BAG4: variants seen among roughly 807,000 people sequenced by gnomAD.
BAG4 encodes BAG family molecular chaperone regulator 4.
Under a neutral mutation model 52.1 loss-of-function variants are expected in BAG4, and 28 were observed. The ratio of observed to expected loss-of-function variants is 0.54; its 90% CI spans 0.40 to 0.74. BAG4 has a LOEUF of 0.74. Among genes scored for constraint, BAG4 ranks in the 30% least tolerant of loss-of-function variants. The probability of loss-of-function intolerance (pLI) is 0.00; values close to 1 mark genes in which losing one functional copy is unlikely to be tolerated. For synonymous variants in BAG4, 208 were observed against 217.0 expected (o/e 0.96, Z 0.37); for missense variants, 525 against 572.0 (o/e 0.92, Z 0.84).
rs565957449 is a variant in BAG4 at position 38,200,652 on chromosome 8, G to A, written c.379-6860G>A. 1.4e-4 allele frequency among the ~76,000 whole-genome samples: 21 copies of A among 151,660 alleles called. 2 individuals are homozygous for A. The South Asian group carries it at 4.4e-3, about 32-fold the overall frequency. The stretch of plus-strand genomic sequence containing the variant: ...TTGCTCTTGTTGCCTAGGCTGGAGT[G>A]CAATGGCACGATCTTGGCTCACAGC... On this transcript the variant is annotated intron_variant, in intron 2 of 4. Coordinates refer to ENST00000287322, the MANE Select transcript of BAG4 (RefSeq NM_004874.4).
intron 1 of BAG4, among the ~76,000 whole-genome samples, chr8:38,178,984 A>G (rs935108075): frequency 1.3e-5 from 2 of 152,006 alleles, no homozygotes; most frequent in East Asian, 3.8e-4. Flanking sequence ...ATAAAAAAAT[A>G]AAAAACAAAA....
chr8:38,186,550 A>G (rs1803369080), intron 1 of BAG4, among the ~76,000 whole-genome samples: 1 of 152,208 alleles, frequency 6.6e-6, no homozygotes, highest in Non-Finnish European at 1.5e-5. Flanking sequence ...ATGCAGGATA[A>G]ACTAGTAGGC....
chr8:38,209,040 C>G lies in BAG4; in HGVS notation c.661C>G (p.Pro221Ala), dbSNP rs1585668432. 1.9e-6 allele frequency: 3 copies of G among 1,614,154 alleles called. No homozygotes were observed. Among genetic ancestry groups the G allele is most frequent in the East Asian group, 2.2e-5 (1 of 44,880 alleles). Residue 221 changes from proline to alanine, a missense_variant, in exon 4 of 5, where the codon CCT becomes GCT. Coordinates refer to ENST00000287322, the MANE Select transcript of BAG4 (RefSeq NM_004874.4). ...QNPGMTLPHY[P>A]YGDGNRSVPQ... ...CCCTGGAATGACCCTGCCCCATTAT[C>G]CTTATGGAGATGGTAATCGTAGTGT...
chr8:38,189,845 T>G (rs1803438489), intron 1 of BAG4, among the ~76,000 whole-genome samples: 1 of 151,834 alleles, frequency 6.6e-6, no homozygotes, highest in Non-Finnish European at 1.5e-5. Context: ...TGAGACGGAG[T>G]CTCCCTCTGT....
intron 1 of BAG4, among the ~76,000 whole-genome samples, chr8:38,182,986 T>C (rs2130662642): frequency 7.5e-6 from 1 of 134,204 alleles, no homozygotes; most frequent in East Asian, 2.4e-4. Context: ...TACAATTACA[T>C]AACCACCACC....
chr8:38,188,339 G>A (rs1289998783), intron 1 of BAG4, among the ~76,000 whole-genome samples: 1 of 151,502 alleles, frequency 6.6e-6, no homozygotes, highest in Non-Finnish European at 1.5e-5. Context: ...ATTATATGGT[G>A]TCTAAAGGTG....
chr8:38,203,374 C>T (rs1332255212), intron 2 of BAG4, among the ~76,000 whole-genome samples: 3 of 151,614 alleles, frequency 2.0e-5, no homozygotes, highest in African/African-American at 7.3e-5. Flanking sequence ...GCTCCGCCTC[C>T]CGAGTTCACG....
rs1334644668 is a variant in BAG4 at position 38,181,287 on chromosome 8, C to T, written c.270+4148C>T. Among the ~76,000 whole-genome samples, 10 of 149,110 alleles carry T rather than the reference C, an allele frequency of 6.7e-5. No individual in the cohort carries two copies. In the East Asian group the frequency reaches 1.0e-3, roughly 15 times the overall value. On this transcript the variant is annotated intron_variant, in intron 1 of 4. Coordinates refer to ENST00000287322, the MANE Select transcript of BAG4 (RefSeq NM_004874.4). ...TTTGCTCTTTTTGCCCAGGCTGGAG[C>T]GCAATGGCGCCATCTTGGCTCACTG...
chr8:38,177,812 G>T (rs866884948), intron 1 of BAG4, among the ~76,000 whole-genome samples: 2 of 151,950 alleles, frequency 1.3e-5, no homozygotes, highest in South Asian at 4.2e-4. Flanking sequence ...TTTATTCTCC[G>T]TTTTCCTGCC....
In BAG4 at chr8:38,176,956, G is replaced by T; in HGVS notation, c.87G>T (p.Pro29=). The part of the protein sequence containing the change: ...RYYGPGGGDV[P]VHPPPPLYPL... ...ACGGGCCTGGGGGTGGAGATGTGCCGGTACACCCACCTCCACCCTTATATC... is the reference window on the plus strand; with the variant it reads ...ACGGGCCTGGGGGTGGAGATGTGCCTGTACACCCACCTCCACCCTTATATC... Residue 29 remains proline (P), a synonymous_variant, in exon 1 of 5, where the codon CCG becomes CCT. Coordinates refer to ENST00000287322, the MANE Select transcript of BAG4 (RefSeq NM_004874.4). The T allele has an allele frequency of 6.4e-7, 1 of 1,563,988 alleles. No individual in the cohort carries two copies. Among genetic ancestry groups the T allele is most frequent in the East Asian group, 2.4e-5 (1 of 41,934 alleles).
At position 38,177,950 on chromosome 8, in the gene BAG4, G is replaced by A. The variant is rs564352837; in HGVS notation, c.270+811G>A. ...TTGAAAATGTAATAGTGAAATTCTC[G>A]TACATTGCTGGTGGGGATGTAAAAT... On this transcript the variant is annotated intron_variant, in intron 1 of 4. Transcript: ENST00000287322. Among the ~76,000 whole-genome samples the A allele has an allele frequency of 2.0e-5, 3 of 152,138 alleles. No individual in the cohort carries two copies. The East Asian group carries it at 5.8e-4, about 29-fold the overall frequency.
chr8:38,209,354 T>C, intron 4 of BAG4, 87 bp downstream of exon 4: 1 of 1,540,902 alleles, frequency 6.5e-7, no homozygotes, highest in African/African-American at 1.4e-5. Flanking sequence ...TGGTTTGTGT[T>C]AAATGGGGAC....
intron 1 of BAG4, among the ~76,000 whole-genome samples, chr8:38,182,209 A>G (rs2130661805): frequency 6.6e-6 from 1 of 152,364 alleles, no homozygotes; most frequent in South Asian, 2.1e-4. Context: ...ATAGGAGCAT[A>G]AGGTGATTTG....
intron 1 of BAG4, among the ~76,000 whole-genome samples, chr8:38,180,318 T>C (rs916141851): frequency 3.3e-5 from 5 of 151,304 alleles, no homozygotes; most frequent in Non-Finnish European, 5.9e-5. Context: ...AGGTCAGGAG[T>C]TCGAGACCAG....
At chr8:38,191,406 C>CT (rs1217491990) in intron 1 of BAG4, among the ~76,000 whole-genome samples, 1 of 152,162 alleles carries the variant, frequency 6.6e-6, no homozygotes, top group African/African-American at 2.4e-5. Context: ...CAATGAATTT[C>CT]TTTGTGAAAT....
At chr8:38,182,876 T>C (rs1803294537) in intron 1 of BAG4, among the ~76,000 whole-genome samples, 1 of 152,082 alleles carries the variant, frequency 6.6e-6, no homozygotes, top group Non-Finnish European at 1.5e-5. Flanking sequence ...AGTGCTTCAT[T>C]GAGGACATTC....
intron 2 of BAG4, among the ~76,000 whole-genome samples, chr8:38,193,905 AT>A (rs1455304049): frequency 6.6e-6 from 1 of 152,046 alleles, no homozygotes; most frequent in Non-Finnish European, 1.5e-5. Context: ...CACCTAGCTA[AT>A]TTTTGTATTT....
intron 2 of BAG4, among the ~76,000 whole-genome samples, chr8:38,196,112 T>C (rs1803556054): frequency 1.3e-5 from 2 of 152,308 alleles, no homozygotes; most frequent in Admixed American, 1.3e-4. Flanking sequence ...TTGTCTTTCG[T>C]TTTTGTCTTT....
At chr8:38,182,503 T>C (rs1803288944) in intron 1 of BAG4, among the ~76,000 whole-genome samples, 1 of 152,242 alleles carries the variant, frequency 6.6e-6, no homozygotes, top group Non-Finnish European at 1.5e-5. Context: ...AAATTAGTTA[T>C]CTTGCATAAT....
Sources: gnomAD v4.1 joint callset for allele counts (sites outside exome capture counted in the v4.1 genomes callset) on GRCh38, gnomAD v4.1.1 for gene constraint, MANE v1.5 for transcripts, NCBI Gene and HGNC (gene_info 2026-07-23, HGNC 2026-07-21) for gene names.